TBL2: variants seen among roughly 807,000 people sequenced by gnomAD.
The protein encoded by TBL2 is transducin beta-like protein 2.
Under a neutral mutation model 41.8 loss-of-function variants are expected in TBL2, and 33 were observed. The observed-to-expected ratio is 0.79, with a 90% CI of 0.60 to 1.06. TBL2 has a LOEUF of 1.06. Among genes scored for constraint, TBL2 ranks in the 50% least tolerant of loss-of-function variants. The pLI is 0.00. For missense variants in TBL2, 522 were observed against 603.8 expected (o/e 0.86, Z 1.42); for synonymous variants, 239 against 241.7 (o/e 0.99, Z 0.10).
intron 1 of TBL2, among the ~76,000 whole-genome samples, chr7:73,575,884 A>C (rs1554588821): frequency 1.3e-5 from 2 of 151,982 alleles, no homozygotes; most frequent in Non-Finnish European, 2.9e-5. Context: ...TCTCTACAGA[A>C]AACTTTAATT....
At chr7:73,578,371 G>A (rs1793472099) in intron 1 of TBL2, 49 bp downstream of exon 1, 1 of 1,524,126 alleles carries the variant, frequency 6.6e-7, no homozygotes, top group Non-Finnish European at 8.8e-7. Flanking sequence ...CGAGGAGGCC[G>A]GGAGCCGGGA....
At chr7:73,577,395 G>A (rs1554589194) in intron 1 of TBL2, among the ~76,000 whole-genome samples, 1 of 151,660 alleles carries the variant, frequency 6.6e-6, no homozygotes, top group Non-Finnish European at 1.5e-5. Context: ...GACCAACGTG[G>A]CGAAACCCCG....
intron 5 of TBL2, 92 bp from the exon 6 acceptor site, chr7:73,571,433 A>C: frequency 6.5e-7 from 1 of 1,541,056 alleles, no homozygotes; most frequent in East Asian, 2.3e-5. Flanking sequence ...AAAGTTGATA[A>C]TCCTCATATC....
intron 5 of TBL2, 43 bp from the exon 6 acceptor site, chr7:73,571,384 C>A (rs1554587557): frequency 3.1e-6 from 5 of 1,612,110 alleles, no homozygotes; most frequent in Non-Finnish European, 3.4e-6. Flanking sequence ...ATTTTCGGAG[C>A]ATGTTGTTCC....
intron 1 of TBL2, among the ~76,000 whole-genome samples, chr7:73,576,995 C>G (rs372533109): frequency 5.9e-5 from 9 of 152,020 alleles, no homozygotes; most frequent in Non-Finnish European, 5.9e-5. Flanking sequence ...GGGTGGCTCA[C>G]GCCTGTAATC....
At chr7:73,578,285 G>C in intron 1 of TBL2, 135 bp downstream of exon 1, 1 of 1,534,628 alleles carries the variant, frequency 6.5e-7, no homozygotes, top group Non-Finnish European at 8.7e-7. Flanking sequence ...CGAAGCTCAC[G>C]TTACCAGAGG....
At chr7:73,574,729 A>G (rs1364864589) in intron 1 of TBL2, 2 of 642,574 alleles carry the variant, frequency 3.1e-6, no homozygotes, top group Non-Finnish European at 5.5e-6. Context: ...GGATCATTTG[A>G]GCCCAGGAGT....
rs782427957 is a variant in TBL2, at chr7:73,574,522, A to G, written c.131-9T>C. 4.5e-5 allele frequency: 73 copies of G among 1,614,030 alleles called. No homozygotes were observed. Among genetic ancestry groups the G allele is most frequent in the Non-Finnish European group, 6.2e-5 (73 of 1,180,038 alleles). ...TCCATTTGCTTTTTGGCCTATAAGG[A>G]AGGGCCATGTTGTTCTCCAGTTACT... On this transcript the variant is annotated splice_polypyrimidine_tract_variant and intron_variant, in intron 1 of 6. Transcript: ENST00000305632.
Position 73,570,650 on chromosome 7 carries a change from T to C in TBL2, c.1201A>G (p.Asn401Asp). The C allele has an allele frequency of 6.2e-7, 1 of 1,613,784 alleles. No individual in the cohort carries two copies. The highest frequency in any genetic ancestry group is 2.2e-5 in the East Asian group (1 of 44,876). The change falls in exon 7 of 7, where the codon AAC (asparagine) becomes GAC (aspartate). Residue 401 changes from asparagine to aspartate, a missense_variant. Transcript: ENST00000305632. ...ACCATGGCTCGGTGGCCAGGAGTGT[T>C]GTGAAACAGCCGCACCGCCCGGTCC... ...CGDRAVRLFHNTPGHRAMVEE... is the reference protein window; with the variant it reads ...CGDRAVRLFHDTPGHRAMVEE...
intron 1 of TBL2, chr7:73,578,185 GAGAA>G: frequency 6.8e-7 from 1 of 1,472,826 alleles, no homozygotes; most frequent in Non-Finnish European, 9.1e-7. Context: ...CTCGGCCACA[GAGAA>G]AGCCGCAGTA....
Position 73,569,316 on chromosome 7 carries a change from A to C in TBL2, c.*1191T>G, listed in dbSNP as rs1000728026. ...CTCCACGGTTGTGGCTTGTTCCAACATTGAGAGGTCAGGGGCAACCAGGGG... is the reference window on the plus strand; with the variant it reads ...CTCCACGGTTGTGGCTTGTTCCAACCTTGAGAGGTCAGGGGCAACCAGGGG... On this transcript the variant is annotated 3_prime_UTR_variant, in exon 7 of 7. Transcript: ENST00000305632. 1 of 152,188 alleles carries C rather than the reference A, an allele frequency of 6.6e-6. No homozygotes were observed. The highest frequency in any genetic ancestry group is 6.6e-5 in the Admixed American group (1 of 15,262). The allele number at this position is 152,188 out of a possible 1,614,324, so 9.4% of individuals were successfully genotyped here.
At position 73,570,880 on chromosome 7, in the gene TBL2, C is replaced by A; in HGVS notation, c.971G>T (p.Gly324Val). Residue 324 changes from glycine (G) to valine (V), a missense_variant, in exon 7 of 7, where the codon GGC becomes GTC. Coordinates refer to ENST00000305632, the MANE Select transcript of TBL2 (RefSeq NM_012453.4). ...KKQDPYLLKT[G>V]RFEEAAGAAP... ...GGCACCCGCCGCCTCTTCAAAGCGG[C>A]CTGTCTTCAGCAAGTAGGGGTCCTG... 1 of 1,613,910 alleles carries A rather than the reference C, an allele frequency of 6.2e-7. No individual in the cohort carries two copies. The highest frequency in any genetic ancestry group is 8.5e-7 in the Non-Finnish European group (1 of 1,180,024).
chr7:73,567,648 AAAAG>A lies in TBL2; in HGVS notation c.*2855_*2858del, dbSNP rs1792701677. The stretch of plus-strand genomic sequence containing the variant: ...TCACATGCAGGATTTTTGATTAAAA[AAAAG>A]AAAAACCTTGGTGGCCTCTGCTCTA... On this transcript the variant is annotated 3_prime_UTR_variant, in exon 7 of 7. Coordinates refer to ENST00000305632, the MANE Select transcript of TBL2 (RefSeq NM_012453.4). Among the ~76,000 whole-genome samples the A allele has an allele frequency of 6.6e-6, 1 of 152,228 alleles. No homozygotes were observed. The highest frequency in any genetic ancestry group is 2.1e-4 in the South Asian group (1 of 4,836).
Position 73,567,921 on chromosome 7 carries a change from G to C in TBL2, c.*2586C>G, listed in dbSNP as rs1175088249. Among the ~76,000 whole-genome samples the C allele has an allele frequency of 1.3e-5, 2 of 152,164 alleles. No homozygotes were observed. Among genetic ancestry groups the C allele is most frequent in the East Asian group, 3.8e-4 (2 of 5,204 alleles). ...CTGGAACTGAAGACATCTGACTTCA[G>C]TAACTCAACATTCTACTGCCACTTC... On this transcript the variant is annotated 3_prime_UTR_variant, in exon 7 of 7. Transcript: ENST00000305632.
chr7:73,574,194 G>C, intron 2 of TBL2, 72 bp from the exon 3 acceptor site: 3 of 1,578,482 alleles, frequency 1.9e-6, no homozygotes, highest in Non-Finnish European at 2.6e-6. Context: ...CTGGAGCCGG[G>C]GAGATGGGGC....
At chr7:73,576,978 C>G (rs1793361400) in intron 1 of TBL2, among the ~76,000 whole-genome samples, 1 of 152,112 alleles carries the variant, frequency 6.6e-6, no homozygotes, top group Non-Finnish European at 1.5e-5. Flanking sequence ...CAGGACTCGG[C>G]CAGGCAGGGT....
rs782324989 is a variant in TBL2, at chr7:73,570,819, C to T, written c.1032G>A (p.Gln344=). Reference sequence around the variant, plus strand: ...TACTGCCACTGGCCAAGGCCAAGACCTGGGCGTTGGGGGAGAGGGCCAGGC... The same window carrying T: ...TACTGCCACTGGCCAAGGCCAAGACTTGGGCGTTGGGGGAGAGGGCCAGGC... ...PCRLALSPNA[Q]VLALASGSSI... The change falls in exon 7 of 7, where the codon CAG becomes CAA. Residue 344 remains glutamine, a synonymous_variant. Coordinates refer to ENST00000305632, the MANE Select transcript of TBL2 (RefSeq NM_012453.4). 1 of 1,613,874 alleles carries T rather than the reference C, an allele frequency of 6.2e-7. No individual in the cohort carries two copies. The highest frequency in any genetic ancestry group is 8.5e-7 in the Non-Finnish European group (1 of 1,180,056).
chr7:73,576,520 C>T (rs1457203375), intron 1 of TBL2: 3 of 434,100 alleles, frequency 6.9e-6, no homozygotes, highest in East Asian at 7.1e-5. Context: ...AAGCCAAGAT[C>T]GCACCACTGC....
Position 73,572,906 on chromosome 7 carries a change from C to T in TBL2, c.663G>A (p.Val221=). The change falls in exon 5 of 7, where the codon GTG becomes GTA. Residue 221 remains valine (V), a synonymous_variant. Transcript: ENST00000305632. ...TCTGGTTGGTGTTGATGGTAGACAG[C>T]ACTTGACCCTTCAGGCTCCAGATGA... ...TVLIWSLKGQ[V]LSTINTNQMN... is the part of the protein sequence containing the mutation. 1.2e-6 allele frequency: 2 copies of T among 1,614,188 alleles called. No individual in the cohort carries two copies. Among genetic ancestry groups the T allele is most frequent in the Non-Finnish European group, 1.7e-6 (2 of 1,180,040 alleles).
Sources: allele counts gnomAD v4.1 joint callset (sites outside exome capture counted in the v4.1 genomes callset), GRCh38; gene constraint gnomAD v4.1.1; transcripts MANE v1.5; gene names NCBI Gene and HGNC (gene_info 2026-07-23, HGNC 2026-07-21).